Variants in NPEPPS observed in about 807,000 individuals in gnomAD.
NPEPPS encodes puromycin-sensitive aminopeptidase.
A neutral mutation model predicts 115.5 loss-of-function variants in NPEPPS; 14 were observed. That is an observed-to-expected ratio of 0.12 (90% CI 0.08 to 0.19). The LOEUF is 0.19. Ranked by LOEUF, NPEPPS falls within the 10% of genes least tolerant of loss-of-function variation. The pLI is 1.00. For synonymous variants in NPEPPS, 285 were observed against 390.6 expected, an observed-to-expected ratio of 0.73 and a Z score of 3.19; for missense variants, 523 against 1,110.8, an observed-to-expected ratio of 0.47 and a Z score of 7.52.
intron 9 of NPEPPS, among the ~76,000 whole-genome samples, chr17:47,587,861 T>C (rs1220906242): frequency 1.3e-5 from 2 of 151,590 alleles, no homozygotes; most frequent in East Asian, 3.9e-4. Context: ...AGAATAAAGC[T>C]GTATTAAAAT....
intron 15 of NPEPPS, chr17:47,602,075 A>C: frequency 3.9e-6 from 1 of 256,898 alleles, no homozygotes. Context: ...GTTAACTTCA[A>C]TGATGTGTTG....
chr17:47,528,931 C>T (rs1028265265), upstream of NPEPPS, among the ~76,000 whole-genome samples: 3 of 151,764 alleles, frequency 2.0e-5, no homozygotes, highest in Non-Finnish European at 4.4e-5. Context: ...CCACCGTGCC[C>T]GGCCTCATTA....
chr17:47,580,034 C>T (rs1276814407), intron 4 of NPEPPS: 8 of 151,090 alleles, frequency 5.3e-5, no homozygotes, highest in African/African-American at 1.2e-4. Flanking sequence ...TTTTATTTGT[C>T]AAGTATTTGC....
At chr17:47,616,954 A>G (rs1378404395) in intron 19 of NPEPPS, among the ~76,000 whole-genome samples, 1 of 152,042 alleles carries the variant, frequency 6.6e-6, no homozygotes, top group African/African-American at 2.4e-5. Context: ...CTTAAGGGGT[A>G]GAAAAGATCA....
intron 12 of NPEPPS, 166 bp downstream of exon 12, chr17:47,592,711 C>A: frequency 1.7e-6 from 1 of 593,162 alleles, no homozygotes; most frequent in Non-Finnish European, 2.9e-6. Context: ...ATCTCAAAAT[C>A]TGAAATTTGA....
intron 17 of NPEPPS, among the ~76,000 whole-genome samples, chr17:47,609,665 T>C (rs1913723129): frequency 2.0e-5 from 3 of 152,192 alleles, no homozygotes; most frequent in Non-Finnish European, 4.4e-5. Flanking sequence ...CATACCACAT[T>C]TCCATCACCC....
chr17:47,558,839 C>T (rs949050574), intron 2 of NPEPPS, among the ~76,000 whole-genome samples: 2 of 152,018 alleles, frequency 1.3e-5, no homozygotes, highest in African/African-American at 4.8e-5. Context: ...TCGAGACCAT[C>T]CTGGTTAACA....
intron 2 of NPEPPS, among the ~76,000 whole-genome samples, chr17:47,556,090 TTTTTAA>T (rs1426450017): frequency 1.3e-5 from 2 of 149,286 alleles, no homozygotes; most frequent in Non-Finnish European, 3.0e-5. Context: ...TTTTTTTTTT[TTTTTAA>T]TTCATCATTC....
chr17:47,579,943 G>A lies in NPEPPS; in HGVS notation c.540+432G>A, dbSNP rs1911769965. 7 of 157,468 alleles carry A rather than the reference G, an allele frequency of 4.4e-5. No homozygotes were observed. The South Asian group carries it at 1.0e-3, about 23-fold the overall frequency. The allele number at this position is 157,468 out of a possible 1,614,324, so 9.8% of individuals were successfully genotyped here. ...TTTTTTTTTCTCCGTGTGTGTGTGT[G>A]TGTGTGTGTGTGTGTGTGTGTATAC... On this transcript the variant is annotated intron_variant, in intron 4 of 22. Transcript: ENST00000322157.
chr17:47,617,943 G>A (rs867015551), intron 19 of NPEPPS, among the ~76,000 whole-genome samples: 66 of 152,054 alleles, frequency 4.3e-4, no homozygotes, highest in African/African-American at 1.5e-3. Context: ...GCAGTGGCAC[G>A]ATCTCAGCTC....
In NPEPPS at chr17:47,556,404, G is replaced by T. The variant is rs1597833243; in HGVS notation, c.340+10411G>T. Among the ~76,000 whole-genome samples, 7 of 152,214 alleles carry T rather than the reference G, an allele frequency of 4.6e-5. 1 individual carries two copies. In the Middle Eastern group the frequency reaches 0.024, roughly 518 times the overall value. On this transcript the variant is annotated intron_variant, in intron 2 of 22. Coordinates refer to ENST00000322157, the MANE Select transcript of NPEPPS (RefSeq NM_006310.4). ...CAGAGAGCACCGGGTTGGGGGTAAG[G>T]TCATAGATCAACAGCATCCCAAGGC...
intron 1 of NPEPPS, among the ~76,000 whole-genome samples, chr17:47,525,377 C>T (rs1907390787): frequency 6.6e-6 from 1 of 152,122 alleles, no homozygotes; most frequent in African/African-American, 2.4e-5. Context: ...GACTTTCACT[C>T]TTGTTGCCCA....
chr17:47,552,900 G>A (rs1263929627), intron 2 of NPEPPS, among the ~76,000 whole-genome samples: 2 of 152,054 alleles, frequency 1.3e-5, no homozygotes, highest in Admixed American at 6.6e-5. Context: ...GCACAGAGAG[G>A]GTATCTACTT....
intron 2 of NPEPPS, among the ~76,000 whole-genome samples, chr17:47,561,588 C>G (rs182017432): frequency 1.5e-3 from 223 of 152,226 alleles, no homozygotes; most frequent in Non-Finnish European, 2.6e-3. Context: ...AATGTTGGGG[C>G]ACTTTAAACC....
chr17:47,555,937 G>T (rs1361752588), intron 2 of NPEPPS, among the ~76,000 whole-genome samples: 1 of 148,546 alleles, frequency 6.7e-6, no homozygotes, highest in Admixed American at 6.7e-5. Context: ...GGGAAGTTAG[G>T]TAGTAGTCAG....
intron 2 of NPEPPS, among the ~76,000 whole-genome samples, chr17:47,561,743 A>G (rs2143775496): frequency 6.6e-6 from 1 of 152,342 alleles, no homozygotes. Flanking sequence ...AGCTGACAGC[A>G]AAGAAATTAT....
At chr17:47,526,502 C>T (rs1169667807), upstream of NPEPPS, among the ~76,000 whole-genome samples, 5 of 152,112 alleles carry the variant, frequency 3.3e-5, no homozygotes, top group East Asian at 9.6e-4. Flanking sequence ...CTTGTTAAGA[C>T]TGGAGAATAT....
At chr17:47,615,227 G>A (rs1421914266) in intron 19 of NPEPPS, among the ~76,000 whole-genome samples, 4 of 151,836 alleles carry the variant, frequency 2.6e-5, no homozygotes, top group South Asian at 2.1e-4. Flanking sequence ...ACAGGCACCC[G>A]CCACCACACC....
At chr17:47,559,183 A>G (rs932782329) in intron 2 of NPEPPS, among the ~76,000 whole-genome samples, 4 of 149,884 alleles carry the variant, frequency 2.7e-5, no homozygotes, top group African/African-American at 9.7e-5. Context: ...AGCTGGAACT[A>G]CAGATATACG....
Sources: gnomAD v4.1 joint callset for allele counts (sites outside exome capture counted in the v4.1 genomes callset) on GRCh38, gnomAD v4.1.1 for gene constraint, MANE v1.5 for transcripts, NCBI Gene and HGNC (gene_info 2026-07-23, HGNC 2026-07-21) for gene names.